The following MYO7A variants were observed in gnomAD, a reference collection of about 807,000 sequenced individuals.
MYO7A encodes unconventional myosin-VIIa.
In MYO7A, 210 loss-of-function variants were observed where a neutral mutation model predicts 263.8. That is an observed-to-expected ratio of 0.80 (90% CI 0.71 to 0.89). The LOEUF (loss-of-function observed/expected upper bound fraction) is 0.89, where lower values mean the gene tolerates loss of function less well. MYO7A is among the 40% of genes least tolerant of loss of function. The pLI is 0.00. For missense variants in MYO7A, 2,820 were observed against 2,968.3 expected (o/e 0.95, Z 1.16); for synonymous variants, 1,239 against 1,197.3 (o/e 1.03, Z -0.72).
intron 3 of MYO7A, among the ~76,000 whole-genome samples, chr11:77,145,826 G>A (rs1951521334): frequency 6.6e-6 from 1 of 152,154 alleles, no homozygotes; most frequent in Non-Finnish European, 1.5e-5. Flanking sequence ...ATCCCCCTGA[G>A]GGCCTGGGCA....
At position 77,138,786 on chromosome 11, in the gene MYO7A, C is replaced by G. The variant is rs1444758261; in HGVS notation, c.19-3923C>G. On this transcript the variant is annotated intron_variant, in intron 2 of 48. Transcript: ENST00000409709. The surrounding 1 kb of genome is among the most constrained non-coding windows in gnomAD (Gnocchi z 4.9). ...CTGATGGAAGAGAAAGCTAGGCCCA[C>G]TGGTCTCCTCTCCAAACTATGTTTA... Among the ~76,000 whole-genome samples, 6 of 152,338 alleles carry G rather than the reference C, an allele frequency of 3.9e-5. No homozygotes were observed. The South Asian group carries it at 1.2e-3, about 32-fold the overall frequency.
In MYO7A at chr11:77,207,294, C is replaced by T. The variant is rs756514910; in HGVS notation, c.5748C>T (p.Phe1916=). 4.0e-5 allele frequency: 65 copies of T among 1,609,074 alleles called. No homozygotes were observed. The highest frequency in any genetic ancestry group is 3.1e-4 in the East Asian group (14 of 44,724). The stretch of plus-strand genomic sequence containing the variant: ...GTGCTCACTGCCCCTCCCAGGCCTT[C>T]GAAGTGGAGTCCAGCACCAAGGCCA... ...VYFPDDTDEA[F]EVESSTKAKD... The change falls in exon 42 of 49, where the codon TTC becomes TTT. Residue 1916 remains phenylalanine (F), a synonymous_variant. Transcript: ENST00000409709.
At chr11:77,159,406 C>A in intron 9 of MYO7A, 41 bp from the exon 10 acceptor site, 2 of 754,048 alleles carry the variant, frequency 2.7e-6, no homozygotes, top group South Asian at 1.4e-5. Context: ...CCCTGTTGCC[C>A]ACCCTCCCTC....
At chr11:77,174,587 C>G (rs577450234) in intron 16 of MYO7A, among the ~76,000 whole-genome samples, 169 bp from the exon 17 acceptor site, 3 of 152,372 alleles carry the variant, frequency 2.0e-5, no homozygotes, top group Middle Eastern at 3.4e-3. Context: ...TCACTTTATG[C>G]TCTTTTGTGG....
rs1952586315 is a variant in MYO7A at position 77,157,387 on chromosome 11, G to GC, written c.846dup (p.Met283HisfsTer3). The GC allele has an allele frequency of 6.2e-7, 1 of 1,604,008 alleles. No homozygotes were observed. The highest frequency in any genetic ancestry group is 8.5e-7 in the Non-Finnish European group (1 of 1,175,368). On this transcript the variant is annotated frameshift_variant, in exon 8 of 49. Coordinates refer to ENST00000409709, the MANE Select transcript of MYO7A (RefSeq NM_000260.4). LOFTEE classifies it high-confidence loss of function. ...CCAGGCCTCTGACTACAACTACTTG[G>GC]CCATGGTGAGGCCCAGGTGGGCCCC... is the stretch of plus-strand genomic sequence containing the variant.
Position 77,147,957 on chromosome 11 carries a change from G to GCCGCCCCGC in MYO7A, c.285+11_285+19dup. The GCCGCCCCGC allele has an allele frequency of 6.5e-7, 1 of 1,538,124 alleles. No individual in the cohort carries two copies. Among genetic ancestry groups the GCCGCCCCGC allele is most frequent in the Non-Finnish European group, 8.8e-7 (1 of 1,140,602 alleles). On this transcript the variant is annotated splice_region_variant and intron_variant, in intron 4 of 48. Coordinates refer to ENST00000409709, the MANE Select transcript of MYO7A (RefSeq NM_000260.4). ...CCGGGACCACCTCATCTACGTGAGT[G>GCCGCCCCGC]CCGCCCCGCCCGGTGCCCGTCCAGG... is the stretch of plus-strand genomic sequence containing the variant.
rs1952516619 is a variant in MYO7A at position 77,156,849 on chromosome 11, A to G, written c.593-13A>G. On this transcript the variant is annotated splice_polypyrimidine_tract_variant and intron_variant, in intron 6 of 48. Coordinates refer to ENST00000409709, the MANE Select transcript of MYO7A (RefSeq NM_000260.4). Reference sequence around the variant, plus strand: ...GAGCGGGCTTTGCCAGTGACACCCTACTCACTCCGCAGCATTTGGGAATGC... The same window carrying G: ...GAGCGGGCTTTGCCAGTGACACCCTGCTCACTCCGCAGCATTTGGGAATGC... The G allele has an allele frequency of 6.2e-7, 1 of 1,613,700 alleles. No homozygotes were observed. The highest frequency in any genetic ancestry group is 1.1e-5 in the South Asian group (1 of 91,068).
rs549792757 is a variant in MYO7A at position 77,206,230 on chromosome 11, A to G, written c.5742+28A>G. 9.6e-6 allele frequency: 15 copies of G among 1,567,478 alleles called. No homozygotes were observed. In the African/African-American group the frequency reaches 1.9e-4, roughly 20 times the overall value. On this transcript the variant is annotated intron_variant, in intron 41 of 48. Transcript: ENST00000409709. ...GAGGGTCACCGGCTTCTAGGTCTGCAGTGCCCAGGACAGGGCCGGGCTTCC... is the reference window on the plus strand; with the variant it reads ...GAGGGTCACCGGCTTCTAGGTCTGCGGTGCCCAGGACAGGGCCGGGCTTCC...
chr11:77,179,841 G>A lies in MYO7A; in HGVS notation c.2474G>A (p.Arg825His), dbSNP rs782172320. 37 of 1,542,786 alleles carry A rather than the reference G, an allele frequency of 2.4e-5. No homozygotes were observed. The highest frequency in any genetic ancestry group is 7.8e-5 in the Admixed American group (4 of 51,040). Residue 825 changes from arginine to histidine, a missense_variant, in exon 21 of 49, where the codon CGC (arginine) becomes CAC (histidine). Arg to His is a conservative substitution (Grantham distance 29). Transcript: ENST00000409709. ...ATCATCCAGTTCCAGGCCCGCTGCC[G>A]CGCCTATCTGGTGCGCAAGGCCTTC... Reference protein sequence around the residue: ...QRIIQFQARCRAYLVRKAFRH... With the variant: ...QRIIQFQARCHAYLVRKAFRH...
intron 3 of MYO7A, among the ~76,000 whole-genome samples, chr11:77,143,808 C>A (rs1195172747): frequency 6.6e-6 from 1 of 152,134 alleles, no homozygotes; most frequent in African/African-American, 2.4e-5. Flanking sequence ...AAAGAGGGTG[C>A]AGGGACTTGA....
At chr11:77,184,170 G>C (rs1292514494) in intron 26 of MYO7A, among the ~76,000 whole-genome samples, 1 of 152,194 alleles carries the variant, frequency 6.6e-6, no homozygotes, top group East Asian at 1.9e-4. Context: ...TGGTGACAGA[G>C]TGGTGGTGAC....
At chr11:77,177,438 C>A (rs368606917) in intron 18 of MYO7A, 111 bp from the exon 19 acceptor site, 38 of 864,276 alleles carry the variant, frequency 4.4e-5, no homozygotes, top group Non-Finnish European at 5.7e-5. Flanking sequence ...TGGGGCCCAA[C>A]TGAGTTCTTG....
At chr11:77,142,362 C>G (rs570862188) in intron 2 of MYO7A, among the ~76,000 whole-genome samples, 1 of 152,196 alleles carries the variant, frequency 6.6e-6, no homozygotes, top group Admixed American at 6.5e-5. Flanking sequence ...TTTGAGTGGT[C>G]TGGTGTTTCT....
At chr11:77,205,950 A>C in intron 40 of MYO7A, 147 bp from the exon 41 acceptor site, 1 of 708,148 alleles carries the variant, frequency 1.4e-6, no homozygotes, top group Non-Finnish European at 2.4e-6. Flanking sequence ...TGAGGAGCTC[A>C]AGGCTCTGGG....
intron 13 of MYO7A, 143 bp downstream of exon 13, chr11:77,162,473 G>T (rs747058371): frequency 1.4e-4 from 117 of 818,440 alleles, no homozygotes; most frequent in Non-Finnish European, 2.1e-4. Flanking sequence ...TTCAAGTATA[G>T]GCATCTGCCA....
intron 27 of MYO7A, among the ~76,000 whole-genome samples, chr11:77,186,757 T>C (rs1555088655): frequency 6.6e-6 from 1 of 152,234 alleles, no homozygotes; most frequent in Non-Finnish European, 1.5e-5. Flanking sequence ...TTTCCTATCA[T>C]TTGCATGTTC....
intron 2 of MYO7A, chr11:77,142,427 A>T: frequency 4.2e-6 from 1 of 239,292 alleles, no homozygotes; most frequent in Non-Finnish European, 8.7e-6. Context: ...CCATGGGGAG[A>T]GCTGGGCTTT....
chr11:77,194,374 G>A lies in MYO7A; in HGVS notation c.4173G>A (p.Leu1391=), dbSNP rs562659321. The change falls in exon 32 of 49, where the codon CTG becomes CTA. Residue 1391 remains leucine, a synonymous_variant. Coordinates refer to ENST00000409709, the MANE Select transcript of MYO7A (RefSeq NM_000260.4). ...RCEKEDDLAE[L]ASQQYFVDYG... ...CCTAGGAGGACGACCTGGCTGAGCT[G>A]GCCTCCCAGCAGTACTTTGTAGACT... The A allele has an allele frequency of 2.5e-6, 4 of 1,612,422 alleles. No individual in the cohort carries two copies. The African/African-American group carries it at 4.0e-5, about 16-fold the overall frequency.
At chr11:77,137,504 G>A (rs374986385) in intron 2 of MYO7A, among the ~76,000 whole-genome samples, 1 of 152,124 alleles carries the variant, frequency 6.6e-6, no homozygotes, top group Non-Finnish European at 1.5e-5. Flanking sequence ...ACAAAGATAG[G>A]CAGGGCAAGG....
Sources: allele counts gnomAD v4.1 joint callset (sites outside exome capture counted in the v4.1 genomes callset), GRCh38; gene constraint gnomAD v4.1.1; non-coding constraint Gnocchi (gnomAD v3.1); transcripts MANE v1.5; gene names NCBI Gene and HGNC (gene_info 2026-07-23, HGNC 2026-07-21).